Variants in LLGL2 observed in about 807,000 individuals in gnomAD.
The protein encoded by LLGL2 is LLGL2, scribble cell polarity complex component.
Under a neutral mutation model 123.2 loss-of-function variants are expected in LLGL2, and 81 were observed. The observed-to-expected ratio is 0.66, with a 90% CI of 0.55 to 0.79. LLGL2 has a LOEUF of 0.79. Ranked by LOEUF, LLGL2 falls within the 30% of genes least tolerant of loss-of-function variation. The probability of loss-of-function intolerance (pLI) is 0.00; values close to 1 mark genes in which losing one functional copy is unlikely to be tolerated. For missense variants in LLGL2, 1,273 were observed against 1,414.6 expected (o/e 0.90, Z 1.61); for synonymous variants, 577 against 594.1 (o/e 0.97, Z 0.42).
chr17:75,527,167 CAA>C (rs200100321), intron 1 of LLGL2, among the ~76,000 whole-genome samples: 88 of 129,752 alleles, frequency 6.8e-4, no homozygotes, highest in African/African-American at 1.4e-3. Flanking sequence ...GACCCTGTCT[CAA>C]AAAAAAAAAA....
intron 2 of LLGL2, among the ~76,000 whole-genome samples, chr17:75,547,462 T>C (rs924327028): frequency 6.6e-6 from 1 of 152,186 alleles, no homozygotes; most frequent in Non-Finnish European, 1.5e-5. Flanking sequence ...ATCTGTAAAA[T>C]GGGCATTGTA....
Position 75,559,479 on chromosome 17 carries a change from C to T in LLGL2, c.530+69C>T. The T allele has an allele frequency of 6.6e-7, 1 of 1,516,218 alleles. No individual in the cohort carries two copies. The highest frequency in any genetic ancestry group is 2.0e-5 in the Admixed American group (1 of 48,802). The allele number at this position is 1,516,218 out of a possible 1,614,324, so 93.9% of individuals were successfully genotyped here. A position where few individuals can be genotyped will look rare whatever the true frequency, so the allele number is the denominator to read the frequency against. ...TAGGCATGGCTTCTCCCCTTGGTCC[C>T]AGGACTCTGTCAGGAGCTGTCATTT... On this transcript the variant is annotated intron_variant, in intron 6 of 25. Coordinates refer to ENST00000392550, the MANE Select transcript of LLGL2 (RefSeq NM_001031803.2). This position sits in a 1 kb window ranked among gnomAD's most constrained non-coding sequence, Gnocchi z 4.6.
rs186439686 is a variant in LLGL2, at chr17:75,571,244, C to T, written c.2176+144C>T. On this transcript the variant is annotated intron_variant, in intron 17 of 25. Coordinates refer to ENST00000392550, the MANE Select transcript of LLGL2 (RefSeq NM_001031803.2). ...TGTGAGCAGGGGCAGACTGCAGCCC[C>T]TGCCTGCTTACTCCCCTCCCCTGCC... 3.9e-4 allele frequency: 305 copies of T among 781,806 alleles called. 2 individuals carry two copies. In the African/African-American group the frequency reaches 5.1e-3, roughly 13 times the overall value. The allele number at this position is 781,806 out of a possible 1,614,324, so 48.4% of individuals were successfully genotyped here.
Position 75,574,860 on chromosome 17 carries a change from G to A in LLGL2, c.3056-11G>A. 1.2e-6 allele frequency: 2 copies of A among 1,613,944 alleles called. No homozygotes were observed. The highest frequency in any genetic ancestry group is 2.2e-5 in the East Asian group (1 of 44,868). ...CAGGGTGATCTTGAGCTGTCCCTCTGTGTCCTTCAGCAGAGTGAGTGGCTG... is the reference window on the plus strand; with the variant it reads ...CAGGGTGATCTTGAGCTGTCCCTCTATGTCCTTCAGCAGAGTGAGTGGCTG... On this transcript the variant is annotated splice_polypyrimidine_tract_variant and intron_variant, in intron 25 of 25. Transcript: ENST00000392550.
intron 22 of LLGL2, 93 bp downstream of exon 22, chr17:75,574,073 A>C: frequency 6.5e-7 from 1 of 1,549,518 alleles, no homozygotes; most frequent in Non-Finnish European, 8.7e-7. Flanking sequence ...GTGAGCAGGT[A>C]GTGTTTGGGC....
chr17:75,573,109 CA>C lies in LLGL2; in HGVS notation c.2557del (p.Ser853ValfsTer60). On this transcript the variant is annotated frameshift_variant, in exon 20 of 26. Coordinates refer to ENST00000392550, the MANE Select transcript of LLGL2 (RefSeq NM_001031803.2). LOFTEE classifies it high-confidence loss of function. ...GGCGGGTCAGCGTGGCCCACTTCGGCAGTCGTCGAGCCGAGGACTACGGGGA... is the reference window on the plus strand; with the variant it reads ...GGCGGGTCAGCGTGGCCCACTTCGGCGTCGTCGAGCCGAGGACTACGGGGA... Reference protein sequence around the residue: ...VRRVSVAHFGSRRAEDYGEHH... With the variant: ...VRRVSVAHFGXRRAEDYGEHH... 6.2e-7 allele frequency: 1 copy of C among 1,612,906 alleles called. No homozygotes were observed. The highest frequency in any genetic ancestry group is 8.5e-7 in the Non-Finnish European group (1 of 1,179,960).
chr17:75,539,887 G>A (rs2054144655), intron 1 of LLGL2, among the ~76,000 whole-genome samples: 1 of 152,178 alleles, frequency 6.6e-6, no homozygotes, highest in Non-Finnish European at 1.5e-5. Context: ...GGGATTACAG[G>A]TGTGAGTTAC....
rs868080638 is a variant in LLGL2, at chr17:75,573,333, A to G, written c.2725+55A>G. ...GGCCCCGGGCACTGCACGGACGGGA[A>G]GGGTGGCCAGGGGTGTTGTGGCCAC... On this transcript the variant is annotated intron_variant, in intron 20 of 25. Coordinates refer to ENST00000392550, the MANE Select transcript of LLGL2 (RefSeq NM_001031803.2). 202 of 1,563,060 alleles carry G rather than the reference A, an allele frequency of 1.3e-4. 2 individuals carry two copies. The Middle Eastern group carries it at 2.1e-3, about 16-fold the overall frequency.
At position 75,556,042 on chromosome 17, in the gene LLGL2, G is replaced by T; in HGVS notation, c.76-4G>T. 6.2e-7 allele frequency: 1 copy of T among 1,607,656 alleles called. No homozygotes were observed. ...AGGCCCACCCCACGTGCTTCTCGTT[G>T]CAGACGGTGGAGCATGGCTTCCCGC... On this transcript the variant is annotated splice_region_variant and splice_polypyrimidine_tract_variant and intron_variant, in intron 2 of 25. Coordinates refer to ENST00000392550, the MANE Select transcript of LLGL2 (RefSeq NM_001031803.2).
At position 75,569,048 on chromosome 17, in the gene LLGL2, A is replaced by G; in HGVS notation, c.1393A>G (p.Thr465Ala). 1.9e-6 allele frequency: 3 copies of G among 1,612,722 alleles called. No homozygotes were observed. Reference sequence around the variant, plus strand: ...CCTGCGGCTGCTCTACAAACTCAGCACTGTGCGCGTGTTCCTCACCGACAC... The same window carrying G: ...CCTGCGGCTGCTCTACAAACTCAGCGCTGTGCGCGTGTTCCTCACCGACAC... ...VCLRLLYKLS[T>A]VRVFLTDTDP... The change falls in exon 13 of 26, where the codon ACT becomes GCT. Residue 465 changes from threonine (T) to alanine (A), a missense_variant. Physicochemically the swap from Thr to Ala is moderately conservative, Grantham distance 58 (BLOSUM62 0). Transcript: ENST00000392550.
At chr17:75,539,832 C>G (rs1457547811) in intron 1 of LLGL2, among the ~76,000 whole-genome samples, 2 of 152,062 alleles carry the variant, frequency 1.3e-5, no homozygotes, top group Non-Finnish European at 2.9e-5. Context: ...TGGTCTCGAA[C>G]TCCTGACCTC....
intron 1 of LLGL2, among the ~76,000 whole-genome samples, chr17:75,534,507 G>A (rs748525789): frequency 1.1e-4 from 16 of 152,042 alleles, no homozygotes; most frequent in Admixed American, 5.9e-4. Flanking sequence ...TTGAGAAAAG[G>A]TCTCGCTCTG....
chr17:75,531,589 T>C (rs1302873542), intron 1 of LLGL2, among the ~76,000 whole-genome samples: 1 of 152,242 alleles, frequency 6.6e-6, no homozygotes. Flanking sequence ...ACGCCAGGTC[T>C]GCTTGGCAAC....
At position 75,564,881 on chromosome 17, in the gene LLGL2, G is replaced by A. The variant is rs1394827392; in HGVS notation, c.1036+374G>A. On this transcript the variant is annotated intron_variant, in intron 10 of 25. Transcript: ENST00000392550. The surrounding 1 kb of genome is among the most constrained non-coding windows in gnomAD (Gnocchi z 4.9). ...GTGTCTCAAAAAAAAAAAAAAAAAG[G>A]GCTCTGCACAGATGTTCCTAAGCCT... 6.9e-6 allele frequency among the ~76,000 whole-genome samples: 1 copy of A among 145,562 alleles called. No individual in the cohort carries two copies. The highest frequency in any genetic ancestry group is 1.5e-5 in the Non-Finnish European group (1 of 67,016).
At chr17:75,563,924 G>T in intron 9 of LLGL2, 118 bp downstream of exon 9, 4 of 994,846 alleles carry the variant, frequency 4.0e-6, no homozygotes, top group Non-Finnish European at 4.8e-6. Flanking sequence ...CCCGTGTTGG[G>T]GTCTTGGACA....
intron 10 of LLGL2, among the ~76,000 whole-genome samples, chr17:75,566,188 G>A (rs750724002): frequency 2.0e-5 from 3 of 152,218 alleles, no homozygotes; most frequent in South Asian, 2.1e-4. Flanking sequence ...AATGGCCCCC[G>A]TGCTGGTCCA....
At chr17:75,571,434 A>T in intron 17 of LLGL2, 1 of 589,046 alleles carries the variant, frequency 1.7e-6, no homozygotes, top group Admixed American at 3.0e-5. Flanking sequence ...CGGGGACAGC[A>T]GAGCCTGCTG....
In LLGL2 at chr17:75,558,917, CCG is replaced by C. The variant is rs1177636207; in HGVS notation, c.371+292_371+293del. On this transcript the variant is annotated intron_variant, in intron 5 of 25. Transcript: ENST00000392550. This position sits in a 1 kb window ranked among gnomAD's most constrained non-coding sequence, Gnocchi z 4.0. ...TCCATCCACACCACGCCTCCTCCAT[CCG>C]CACCCCACCTCCTCCATCCGCACCC... The C allele has an allele frequency of 4.5e-3, 1,380 of 306,838 alleles. 176 individuals carry two copies. The highest frequency in any genetic ancestry group is 0.023 in the African/African-American group (739 of 31,790). The allele number at this position is 306,838 out of a possible 1,614,324, so 19.0% of individuals were successfully genotyped here.
At position 75,571,916 on chromosome 17, in the gene LLGL2, T is replaced by A; in HGVS notation, c.2312T>A (p.Met771Lys). ...RAEQAKEIQL[M>K]HRAPVVGILV... The stretch of plus-strand genomic sequence containing the variant: ...CCCCTAGCCAAGGAGATCCAGCTGA[T>A]GCACCGGGCGCCGGTGGTGGGCATC... Residue 771 changes from methionine (M) to lysine (K), a missense_variant, in exon 19 of 26, where the codon ATG (methionine) becomes AAG (lysine). Physicochemically the swap from Met to Lys is moderately conservative, Grantham distance 95. Coordinates refer to ENST00000392550, the MANE Select transcript of LLGL2 (RefSeq NM_001031803.2). 6.2e-7 allele frequency: 1 copy of A among 1,612,400 alleles called. No homozygotes were observed. Among genetic ancestry groups the A allele is most frequent in the African/African-American group, 1.3e-5 (1 of 75,026 alleles).
Sources: allele counts gnomAD v4.1 joint callset (sites outside exome capture counted in the v4.1 genomes callset), GRCh38; gene constraint gnomAD v4.1.1; non-coding constraint Gnocchi (gnomAD v3.1); transcripts MANE v1.5; gene names NCBI Gene and HGNC (gene_info 2026-07-23, HGNC 2026-07-21).